INAVA: variants seen among roughly 807,000 people sequenced by gnomAD.
INAVA encodes innate immunity activator.
INAVA carries 32 observed loss-of-function variants against 55.3 expected under a neutral mutation model. That is an observed-to-expected ratio of 0.58 (90% CI 0.44 to 0.78). The LOEUF (loss-of-function observed/expected upper bound fraction) is 0.78. Among genes scored for constraint, INAVA ranks in the 30% least tolerant of loss-of-function variants. The pLI, the probability that INAVA is intolerant of heterozygous loss-of-function variation, is 0.00. For synonymous variants in INAVA, 294 were observed against 329.4 expected (o/e 0.89, Z 1.16); for missense variants, 756 against 786.4 (o/e 0.96, Z 0.46).
intron 5 of INAVA, 67 bp downstream of exon 5, chr1:200,901,226 G>A: frequency 1.4e-6 from 2 of 1,390,154 alleles, no homozygotes; most frequent in Non-Finnish European, 9.4e-7. Context: ...TGGGCGCACA[G>A]CCCCGTGCCA....
At chr1:200,899,742 C>T in intron 3 of INAVA, 145 bp downstream of exon 3, 4 of 1,231,788 alleles carry the variant, frequency 3.2e-6, no homozygotes, top group Non-Finnish European at 3.3e-6. Context: ...CCAGAGTCCC[C>T]ATGATGCAGT....
intron 4 of INAVA, among the ~76,000 whole-genome samples, 197 bp downstream of exon 4, chr1:200,900,417 C>T (rs1406167012): frequency 6.6e-6 from 1 of 152,184 alleles, no homozygotes; most frequent in Admixed American, 6.5e-5. Context: ...ACTAAGGAAC[C>T]GAGAGCTGGG....
intron 9 of INAVA, among the ~76,000 whole-genome samples, chr1:200,913,207 C>T (rs562219798): frequency 1.3e-5 from 2 of 152,330 alleles, no homozygotes; most frequent in African/African-American, 4.8e-5. Context: ...CCTTTCTGCG[C>T]GCTTGGGCCT....
At chr1:200,905,396 A>T (rs1055374925) in intron 5 of INAVA, among the ~76,000 whole-genome samples, 6 of 152,088 alleles carry the variant, frequency 3.9e-5, no homozygotes, top group Non-Finnish European at 7.4e-5. Context: ...TAACTAAAAT[A>T]AAAAAATTGG....
At chr1:200,891,647 G>T (rs1323455250), upstream of INAVA, 2 of 1,513,896 alleles carry the variant, frequency 1.3e-6, no homozygotes, top group South Asian at 2.6e-5. Context: ...GAAGCTGCGA[G>T]GCTGGAGTGG....
intron 5 of INAVA, among the ~76,000 whole-genome samples, chr1:200,903,279 T>C (rs1323587101): frequency 6.6e-6 from 1 of 151,298 alleles, no homozygotes; most frequent in Non-Finnish European, 1.5e-5. Context: ...AGGTTAGGAG[T>C]TCAAGACCAG....
At chr1:200,910,798 T>C in intron 8 of INAVA, among the ~76,000 whole-genome samples, 1 of 152,208 alleles carries the variant, frequency 6.6e-6, no homozygotes, top group East Asian at 1.9e-4. Context: ...CATGCCTTTG[T>C]GCAAATTAGG....
At chr1:200,891,999 G>A (rs956270749), upstream of INAVA, among the ~76,000 whole-genome samples, 4 of 152,206 alleles carry the variant, frequency 2.6e-5, no homozygotes, top group African/African-American at 9.7e-5. Flanking sequence ...CGCAGTGGGG[G>A]AGGGGAGCAG....
intron 5 of INAVA, among the ~76,000 whole-genome samples, chr1:200,905,639 T>C (rs1217926944): frequency 6.6e-6 from 1 of 152,226 alleles, no homozygotes; most frequent in South Asian, 2.1e-4. Flanking sequence ...CTTTGTAGGC[T>C]CTTTGGTCTT....
rs1170799439 is a variant in INAVA at position 200,908,290 on chromosome 1, T to A, written c.574+403T>A. ...ACACAAGTCTATAGATTAAGAACCC[T>A]GTGTACAAACCATGAGGATGCCAGG... On this transcript the variant is annotated intron_variant, in intron 6 of 9. Transcript: ENST00000413687. The A allele has an allele frequency of 5.3e-5, 11 of 209,194 alleles. No individual in the cohort carries two copies. In the South Asian group the frequency reaches 1.1e-3, roughly 20 times the overall value. 13.0% of individuals were successfully genotyped at this position (209,194 alleles called of 1,614,324 possible). A position where few individuals can be genotyped will look rare whatever the true frequency, so the allele number is the denominator to read the frequency against.
Position 200,908,864 on chromosome 1 carries a change from A to C in INAVA, c.709A>C (p.Ser237Arg). The part of the protein sequence containing the change: ...GSPERAPVQN[S>R]PWKETSLDHP... ...CCCAGAACGGGCTCCAGTCCAGAACAGCCCCTGGAAGGAAACCAGCCTGGA... is the reference window on the plus strand; with the variant it reads ...CCCAGAACGGGCTCCAGTCCAGAACCGCCCCTGGAAGGAAACCAGCCTGGA... Residue 237 changes from serine to arginine, a missense_variant, in exon 7 of 10, where the codon AGC becomes CGC. Physicochemically the swap from Ser to Arg is moderately radical, Grantham distance 110. Around this residue, in one of 2 missense-constraint regions of INAVA, gnomAD observed 639 missense variants for 624.3 expected, o/e 1.02. Coordinates refer to ENST00000413687, the MANE Select transcript of INAVA (RefSeq NM_001142569.3). 6.2e-7 allele frequency: 1 copy of C among 1,614,046 alleles called. No homozygotes were observed. The highest frequency in any genetic ancestry group is 1.3e-5 in the African/African-American group (1 of 75,044).
intron 9 of INAVA, 39 bp downstream of exon 9, chr1:200,912,176 G>T: frequency 6.6e-7 from 1 of 1,509,364 alleles, no homozygotes; most frequent in Non-Finnish European, 8.9e-7. Context: ...CCAGGCAGGA[G>T]GGCTGTTTTG....
At chr1:200,894,454 T>C (rs1032824629), upstream of INAVA, among the ~76,000 whole-genome samples, 2 of 152,218 alleles carry the variant, frequency 1.3e-5, no homozygotes, top group African/African-American at 4.8e-5. Flanking sequence ...ACCCAGGCCT[T>C]GGTCTTCATT....
In INAVA at chr1:200,912,101, A is replaced by G. The variant is rs781723735; in HGVS notation, c.1608A>G (p.Arg536=). ...AFRVRSLPLG[R]EGFGRALGPR... The stretch of plus-strand genomic sequence containing the variant: ...GGGTCAGGAGCCTGCCCCTTGGGAG[A>G]GAGGGCTTCGGACGAGCCCTGGGAC... The change falls in exon 9 of 10, where the codon AGA becomes AGG. Residue 536 remains arginine (R), a synonymous_variant. Coordinates refer to ENST00000413687, the MANE Select transcript of INAVA (RefSeq NM_001142569.3). The G allele has an allele frequency of 5.8e-6, 9 of 1,549,336 alleles. No individual in the cohort carries two copies. In the South Asian group the frequency reaches 1.1e-4, roughly 18 times the overall value.
At chr1:200,906,087 A>T (rs1381153414) in intron 5 of INAVA, 1 of 152,270 alleles carries the variant, frequency 6.6e-6, no homozygotes, top group East Asian at 1.9e-4. Flanking sequence ...GAATTAATAT[A>T]TATAAAGTGC....
rs1489355798 is a variant in INAVA, at chr1:200,911,728, C to T, written c.1235C>T (p.Pro412Leu). Residue 412 changes from proline to leucine, a missense_variant, in exon 9 of 10, where the codon CCA (proline) becomes CTA (leucine). Pro to Leu is a moderately conservative substitution (Grantham distance 98). Around this residue, in one of 2 missense-constraint regions of INAVA, gnomAD observed 639 missense variants for 624.3 expected, o/e 1.02. Transcript: ENST00000413687. Reference sequence around the variant, plus strand: ...CATCGTCACCGCGGGGCCTGGGTCCCAGCCGGCAGCAGAGAGCTGGTCGCC... The same window carrying T: ...CATCGTCACCGCGGGGCCTGGGTCCTAGCCGGCAGCAGAGAGCTGGTCGCC... ...KTHRHRGAWVPAGSRELVAHH... is the reference protein window; with the variant it reads ...KTHRHRGAWVLAGSRELVAHH... 2.5e-6 allele frequency: 4 copies of T among 1,612,692 alleles called. No homozygotes were observed. The highest frequency in any genetic ancestry group is 1.1e-5 in the South Asian group (1 of 90,996).
intron 8 of INAVA, among the ~76,000 whole-genome samples, chr1:200,909,676 T>C (rs1010049209): frequency 6.6e-6 from 1 of 152,252 alleles, no homozygotes; most frequent in Non-Finnish European, 1.5e-5. Context: ...TGTTTCCTTG[T>C]GCTGGTAGAT....
rs147797258 is a variant in INAVA, at chr1:200,908,933, G to A, written c.778G>A (p.Glu260Lys). 57 of 1,612,432 alleles carry A rather than the reference G, an allele frequency of 3.5e-5. No individual in the cohort carries two copies. In the African/African-American group the frequency reaches 3.7e-4, roughly 11 times the overall value. ...KPRKSSEPWS[E>K]SSSPATTPQD... ...CAGGAAGTCTTCTGAGCCCTGGAGC[G>A]AGTCCAGGTCAGGATCAGGGGGAAG... The change falls in exon 7 of 10, where the codon GAG becomes AAG. Residue 260 changes from glutamate (E) to lysine (K), a missense_variant. Coordinates refer to ENST00000413687, the MANE Select transcript of INAVA (RefSeq NM_001142569.3).
At chr1:200,898,796 T>C (rs919953118) in intron 2 of INAVA, among the ~76,000 whole-genome samples, 4 of 152,108 alleles carry the variant, frequency 2.6e-5, no homozygotes, top group African/African-American at 9.7e-5. Flanking sequence ...TCCCAGCACT[T>C]TGGGAGGCCA....
Sources: allele counts gnomAD v4.1 joint callset (sites outside exome capture counted in the v4.1 genomes callset), GRCh38; gene constraint gnomAD v4.1.1; regional missense constraint gnomAD v4.1.1; transcripts MANE v1.5; gene names NCBI Gene and HGNC (gene_info 2026-07-23, HGNC 2026-07-21).